PSMA8: variants seen among roughly 807,000 people sequenced by gnomAD.
The protein encoded by PSMA8 is proteasome 20S subunit alpha 8.
In PSMA8, 18 loss-of-function variants were observed where a neutral mutation model predicts 32.4. The ratio of observed to expected loss-of-function variants is 0.56; its 90% CI spans 0.38 to 0.82. The LOEUF (loss-of-function observed/expected upper bound fraction) is 0.82. Among genes scored for constraint, PSMA8 ranks in the 40% least tolerant of loss-of-function variants. The probability of loss-of-function intolerance (pLI) is 0.00; values close to 1 mark genes in which losing one functional copy is unlikely to be tolerated. For missense variants in PSMA8, 298 were observed against 300.7 expected (o/e 0.99, Z 0.07); for synonymous variants, 104 against 98.1 (o/e 1.06, Z -0.36).
chr18:26,176,098 T>C (rs1391075540), intron 4 of PSMA8, among the ~76,000 whole-genome samples: 1 of 152,082 alleles, frequency 6.6e-6, no homozygotes, highest in African/African-American at 2.4e-5. Flanking sequence ...CTACCAGTCA[T>C]TATTGAAGTG....
At chr18:26,152,754 C>T (rs1008336822) in intron 3 of PSMA8, among the ~76,000 whole-genome samples, 1 of 152,116 alleles carries the variant, frequency 6.6e-6, no homozygotes, top group Non-Finnish European at 1.5e-5. Context: ...AGGGTTCCAC[C>T]GTCATAAATG....
intron 2 of PSMA8, among the ~76,000 whole-genome samples, chr18:26,149,423 T>A (rs1260774010): frequency 6.6e-6 from 1 of 152,194 alleles, no homozygotes; most frequent in Non-Finnish European, 1.5e-5. Flanking sequence ...AAAATTTCAA[T>A]GATTTTTTTA....
intron 6 of PSMA8, among the ~76,000 whole-genome samples, chr18:26,180,946 C>G (rs1487428743): frequency 2.6e-5 from 4 of 152,144 alleles, no homozygotes; most frequent in Admixed American, 6.5e-5. Context: ...CAGTTTTCTT[C>G]CCTATAAAAT....
chr18:26,143,180 C>A (rs1036548314), intron 1 of PSMA8, among the ~76,000 whole-genome samples: 1 of 152,078 alleles, frequency 6.6e-6, no homozygotes, highest in African/African-American at 2.4e-5. Context: ...GAAAAAAAAT[C>A]GATTCCCACC....
At chr18:26,159,702 TG>T (rs2055120078) in intron 4 of PSMA8, among the ~76,000 whole-genome samples, 2 of 152,098 alleles carry the variant, frequency 1.3e-5, no homozygotes, top group African/African-American at 4.8e-5. Flanking sequence ...AGGAAAATTA[TG>T]GAATTTTTTA....
At chr18:26,138,925 G>A (rs1402845311) in intron 1 of PSMA8, among the ~76,000 whole-genome samples, 1 of 152,180 alleles carries the variant, frequency 6.6e-6, no homozygotes, top group Non-Finnish European at 1.5e-5. Flanking sequence ...CTTAGAGAAT[G>A]TAAGCACTAA....
intron 6 of PSMA8, among the ~76,000 whole-genome samples, chr18:26,190,957 T>C (rs1007210600): frequency 2.0e-5 from 3 of 152,196 alleles, no homozygotes; most frequent in Non-Finnish European, 4.4e-5. Context: ...AATTGCTTGA[T>C]GGGTAAATTC....
At chr18:26,189,866 C>T (rs1370667993) in intron 6 of PSMA8, among the ~76,000 whole-genome samples, 1 of 152,124 alleles carries the variant, frequency 6.6e-6, no homozygotes, top group Non-Finnish European at 1.5e-5. Context: ...CAGAACTGTT[C>T]ACAATAGCCA....
At chr18:26,134,340 G>T (rs7229585) in intron 1 of PSMA8, among the ~76,000 whole-genome samples, 4,080 of 135,130 alleles carry the variant, frequency 0.03, 139 homozygotes, top group African/African-American at 0.12. Context: ...TGTGTGTGTG[G>T]GTGTGTGTGT....
chr18:26,134,752 T>TG (rs1236961234), intron 1 of PSMA8, among the ~76,000 whole-genome samples: 6 of 152,080 alleles, frequency 3.9e-5, no homozygotes, highest in Non-Finnish European at 8.8e-5. Flanking sequence ...GTCGGGAGTT[T>TG]GAGACCAGCC....
chr18:26,176,888 ACG>A (rs774101287), intron 4 of PSMA8, among the ~76,000 whole-genome samples: 8 of 152,128 alleles, frequency 5.3e-5, no homozygotes, highest in Non-Finnish European at 2.9e-5. Flanking sequence ...AAACGAAATC[ACG>A]CCATTGCACT....
intron 4 of PSMA8, among the ~76,000 whole-genome samples, chr18:26,178,605 A>G (rs2055283034): frequency 1.3e-5 from 2 of 152,240 alleles, no homozygotes; most frequent in Non-Finnish European, 2.9e-5. Flanking sequence ...CCATCTCTAA[A>G]ACAAACAAAA....
chr18:26,159,009 C>CA (rs900100451), intron 4 of PSMA8, among the ~76,000 whole-genome samples: 20 of 152,030 alleles, frequency 1.3e-4, no homozygotes, highest in South Asian at 4.2e-4. Context: ...CTGCCCCCCG[C>CA]AAAAAACACT....
chr18:26,160,759 T>C (rs1443548071), intron 4 of PSMA8, among the ~76,000 whole-genome samples: 1 of 152,250 alleles, frequency 6.6e-6, no homozygotes, highest in African/African-American at 2.4e-5. Flanking sequence ...GAACATAAAC[T>C]GTCGCCACAT....
chr18:26,171,877 G>T (rs1336107211), intron 4 of PSMA8, among the ~76,000 whole-genome samples: 1 of 152,212 alleles, frequency 6.6e-6, no homozygotes. Flanking sequence ...CAGAAACAAA[G>T]ACTTTATTAC....
At chr18:26,180,966 G>A (rs546479264) in intron 6 of PSMA8, among the ~76,000 whole-genome samples, 2 of 152,230 alleles carry the variant, frequency 1.3e-5, no homozygotes, top group Admixed American at 6.5e-5. Context: ...TGAGTCTAAC[G>A]ATACCTTCAT....
chr18:26,169,248 G>A (rs1447749282), intron 4 of PSMA8, among the ~76,000 whole-genome samples: 5 of 133,234 alleles, frequency 3.8e-5, no homozygotes, highest in Non-Finnish European at 5.9e-5. Flanking sequence ...GATTACAGGC[G>A]TGAGCCACTG....
intron 6 of PSMA8, among the ~76,000 whole-genome samples, chr18:26,188,143 A>G (rs1460997118): frequency 6.6e-6 from 1 of 152,150 alleles, no homozygotes; most frequent in Non-Finnish European, 1.5e-5. Flanking sequence ...AATTTTGGAA[A>G]CTATACGAAT....
At chr18:26,139,456 G>A (rs2054937186) in intron 1 of PSMA8, among the ~76,000 whole-genome samples, 1 of 152,222 alleles carries the variant, frequency 6.6e-6, no homozygotes, top group Non-Finnish European at 1.5e-5. Context: ...CTGAGCCAGA[G>A]GAATTAGCTA....
Sources: allele counts gnomAD v4.1 joint callset (sites outside exome capture counted in the v4.1 genomes callset), GRCh38; gene constraint gnomAD v4.1.1; transcripts MANE v1.5; gene names NCBI Gene and HGNC (gene_info 2026-07-23, HGNC 2026-07-21).